The following CEP112 variants were observed in gnomAD, a reference collection of about 807,000 sequenced individuals.
CEP112 encodes the protein centrosomal protein 112.
In CEP112, 127 loss-of-function variants were observed where a neutral mutation model predicts 153.0. That is an observed-to-expected ratio of 0.83 (90% CI 0.72 to 0.96). The LOEUF is 0.96. CEP112 is among the 40% of genes least tolerant of loss of function. CEP112 has a pLI of 0.00. For synonymous variants in CEP112, 358 were observed against 374.4 expected (o/e 0.96, Z 0.51); for missense variants, 1,089 against 1,101.2 (o/e 0.99, Z 0.16).
At chr17:65,647,617 C>T (rs951398024) in intron 24 of CEP112, among the ~76,000 whole-genome samples, 21 of 150,512 alleles carry the variant, frequency 1.4e-4, no homozygotes, top group African/African-American at 4.4e-4. Context: ...GCTGGGACTA[C>T]AGGTGCGTGC....
intron 12 of CEP112, among the ~76,000 whole-genome samples, chr17:66,047,539 TTTTC>T (rs1568428278): frequency 2.6e-5 from 4 of 152,234 alleles, no homozygotes; most frequent in Non-Finnish European, 5.9e-5. Flanking sequence ...TCATCATCTC[TTTTC>T]TAAAGTTTCA....
chr17:65,784,540 G>A (rs916191521), intron 21 of CEP112, among the ~76,000 whole-genome samples: 4 of 152,170 alleles, frequency 2.6e-5, no homozygotes, highest in East Asian at 3.9e-4. Context: ...GAGTGCAGTG[G>A]TGTGATCTTG....
At chr17:66,088,323 C>CG (rs2068016518) in intron 8 of CEP112, among the ~76,000 whole-genome samples, 2 of 152,296 alleles carry the variant, frequency 1.3e-5, no homozygotes, top group South Asian at 4.1e-4. Flanking sequence ...TCTCTGGACT[C>CG]ACCACATTGC....
intron 21 of CEP112, among the ~76,000 whole-genome samples, chr17:65,758,002 T>C (rs903693085): frequency 6.6e-6 from 1 of 151,960 alleles, no homozygotes; most frequent in Non-Finnish European, 1.5e-5. Flanking sequence ...GAACCACAAT[T>C]TGGGAACCAC....
At chr17:65,642,967 C>G (rs780131365) in intron 24 of CEP112, among the ~76,000 whole-genome samples, 27 of 152,352 alleles carry the variant, frequency 1.8e-4, no homozygotes, top group Admixed American at 4.6e-4. Context: ...TCCCACCCCA[C>G]AGTAAAAATC....
At chr17:65,939,329 T>G (rs1050909773) in intron 18 of CEP112, among the ~76,000 whole-genome samples, 2 of 152,048 alleles carry the variant, frequency 1.3e-5, no homozygotes, top group African/African-American at 2.4e-5. Context: ...ATCTACAGAT[T>G]CAAGCAATTC....
At chr17:66,134,463 C>T (rs2070346811) in intron 4 of CEP112, among the ~76,000 whole-genome samples, 1 of 152,166 alleles carries the variant, frequency 6.6e-6, no homozygotes, top group African/African-American at 2.4e-5. Context: ...GAAAATGAGT[C>T]ATAATCTGTC....
Position 65,648,520 on chromosome 17 carries a change from A to T in CEP112, c.2698-7455T>A, listed in dbSNP as rs182446328. Reference sequence around the variant, plus strand: ...AACTGTGAAGACCAAGACCATCCCTAACTAGAGTTTCATGTTCCAATCAAG... The same window carrying T: ...AACTGTGAAGACCAAGACCATCCCTTACTAGAGTTTCATGTTCCAATCAAG... On this transcript the variant is annotated intron_variant, in intron 24 of 26. Coordinates refer to ENST00000535342, the MANE Select transcript of CEP112 (RefSeq NM_001199165.4). Among the ~76,000 whole-genome samples, 858 of 152,284 alleles carry T rather than the reference A, an allele frequency of 5.6e-3. 10 individuals carry two copies. Among genetic ancestry groups the T allele is most frequent in the Non-Finnish European group, 6.0e-3 (408 of 68,020 alleles).
intron 17 of CEP112, among the ~76,000 whole-genome samples, chr17:66,001,798 T>G (rs975077202): frequency 6.6e-6 from 1 of 152,170 alleles, no homozygotes; most frequent in Non-Finnish European, 1.5e-5. Flanking sequence ...AAAATACTAT[T>G]TGGTTTTATA....
chr17:66,000,625 C>T (rs905807164), intron 17 of CEP112, among the ~76,000 whole-genome samples: 1 of 152,148 alleles, frequency 6.6e-6, no homozygotes, highest in Non-Finnish European at 1.5e-5. Flanking sequence ...TCGGTGGCAG[C>T]AGAGCACTGC....
chr17:65,794,369 C>T (rs535057862), intron 21 of CEP112, among the ~76,000 whole-genome samples: 4 of 152,294 alleles, frequency 2.6e-5, no homozygotes, highest in African/African-American at 9.6e-5. Flanking sequence ...TTTGCCAAAT[C>T]TGAAGACAGA....
At chr17:65,749,869 TA>T (rs1226694321) in intron 22 of CEP112, among the ~76,000 whole-genome samples, 1 of 148,878 alleles carries the variant, frequency 6.7e-6, no homozygotes, top group Non-Finnish European at 1.5e-5. Flanking sequence ...TATATATATA[TA>T]AAAATATGAA....
intron 21 of CEP112, among the ~76,000 whole-genome samples, chr17:65,764,098 T>C (rs1297802023): frequency 6.6e-6 from 1 of 152,040 alleles, no homozygotes; most frequent in East Asian, 1.9e-4. Flanking sequence ...TGGAGGGATC[T>C]GGACTTGTGT....
At chr17:65,639,802 C>T (rs185786765) in intron 25 of CEP112, among the ~76,000 whole-genome samples, 64 of 150,802 alleles carry the variant, frequency 4.2e-4, no homozygotes, top group Admixed American at 4.2e-3. Context: ...ACATCGTGAA[C>T]CACATCACAT....
intron 21 of CEP112, among the ~76,000 whole-genome samples, chr17:65,813,547 G>A (rs956483204): frequency 3.3e-5 from 5 of 152,186 alleles, no homozygotes; most frequent in Admixed American, 2.6e-4. Flanking sequence ...CCTGACATAG[G>A]TGTTGGAGAA....
intron 24 of CEP112, among the ~76,000 whole-genome samples, chr17:65,661,154 C>CA (rs1318186140): frequency 6.6e-6 from 1 of 152,142 alleles, no homozygotes; most frequent in Non-Finnish European, 1.5e-5. Context: ...CATGCCTTTG[C>CA]ACATGCTGTT....
intron 4 of CEP112, among the ~76,000 whole-genome samples, chr17:66,168,472 T>C (rs2072088847): frequency 6.6e-6 from 1 of 151,550 alleles, no homozygotes; most frequent in Non-Finnish European, 1.5e-5. Flanking sequence ...TGTGTGTGTA[T>C]ATATGTATAT....
intron 1 of CEP112, among the ~76,000 whole-genome samples, chr17:66,190,556 C>T (rs2073125917): frequency 6.7e-6 from 1 of 150,190 alleles, no homozygotes; most frequent in South Asian, 2.1e-4. Context: ...TTGCAGTGAG[C>T]GTGAGCTGAG....
At chr17:66,104,779 A>G (rs1441505093) in intron 6 of CEP112, among the ~76,000 whole-genome samples, 1 of 152,148 alleles carries the variant, frequency 6.6e-6, no homozygotes, top group Non-Finnish European at 1.5e-5. Flanking sequence ...GACATATTTA[A>G]AGTGCTGAGG....
Sources: gnomAD v4.1 joint callset for allele counts (sites outside exome capture counted in the v4.1 genomes callset) on GRCh38, gnomAD v4.1.1 for gene constraint, MANE v1.5 for transcripts, NCBI Gene and HGNC (gene_info 2026-07-23, HGNC 2026-07-21) for gene names.